Variants in CSGALNACT1 observed in about 807,000 individuals in gnomAD.
CSGALNACT1 encodes beta4GalNAcT-1.
Under a neutral mutation model 51.0 loss-of-function variants are expected in CSGALNACT1, and 52 were observed. That is an observed-to-expected ratio of 1.02 (90% CI 0.82 to 1.29). CSGALNACT1 has a LOEUF of 1.29. Ranked by LOEUF, CSGALNACT1 falls within the 50% of genes most tolerant of loss-of-function variation. The pLI is 0.00. For synonymous variants in CSGALNACT1, 341 were observed against 254.4 expected, an observed-to-expected ratio of 1.34 and a Z score of -3.24; for missense variants, 935 against 679.2, an observed-to-expected ratio of 1.38 and a Z score of -4.19.
intron 1 of CSGALNACT1, among the ~76,000 whole-genome samples, chr8:19,754,855 G>A (rs2065258598): frequency 6.6e-6 from 1 of 152,146 alleles, no homozygotes; most frequent in Non-Finnish European, 1.5e-5. Flanking sequence ...CGGCTTTATA[G>A]GTTTTATAAG....
intron 1 of CSGALNACT1, among the ~76,000 whole-genome samples, chr8:19,717,037 A>G (rs1280237283): frequency 6.6e-6 from 1 of 152,250 alleles, no homozygotes; most frequent in Non-Finnish European, 1.5e-5. Flanking sequence ...AAACGAGGCA[A>G]AAATTCATAT....
chr8:19,606,883 C>T (rs117744625), upstream of CSGALNACT1, among the ~76,000 whole-genome samples: 4,345 of 152,124 alleles, frequency 0.029, 82 homozygotes, highest in Non-Finnish European at 0.045. Flanking sequence ...TAGCCGGGCA[C>T]GGTGGCTCAC....
At chr8:19,637,823 G>A (rs573795822) in intron 1 of CSGALNACT1, among the ~76,000 whole-genome samples, 1 of 148,682 alleles carries the variant, frequency 6.7e-6, no homozygotes. Context: ...GAATGTTCTC[G>A]AAATCAGCCT....
intron 1 of CSGALNACT1, among the ~76,000 whole-genome samples, chr8:19,640,147 A>T (rs1263428763): frequency 6.6e-6 from 1 of 152,344 alleles, no homozygotes; most frequent in Non-Finnish European, 1.5e-5. Flanking sequence ...TATTTCCCTC[A>T]ATGATACTGT....
At chr8:19,726,473 T>C (rs1306762220) in intron 1 of CSGALNACT1, among the ~76,000 whole-genome samples, 2 of 152,220 alleles carry the variant, frequency 1.3e-5, no homozygotes, top group Non-Finnish European at 2.9e-5. Flanking sequence ...ACAAAAATTG[T>C]ACACATTTAC....
At chr8:19,659,846 G>A (rs768256264) in intron 1 of CSGALNACT1, among the ~76,000 whole-genome samples, 3 of 152,178 alleles carry the variant, frequency 2.0e-5, no homozygotes, top group African/African-American at 4.8e-5. Flanking sequence ...AGGGGAGATC[G>A]CTGCTTCCTG....
chr8:19,753,961 A>G (rs530670232), intron 1 of CSGALNACT1, among the ~76,000 whole-genome samples: 4 of 152,356 alleles, frequency 2.6e-5, no homozygotes, highest in African/African-American at 7.2e-5. Context: ...TCAAAAACAC[A>G]TAGAAGAAAG....
intron 1 of CSGALNACT1, among the ~76,000 whole-genome samples, chr8:19,629,231 T>C (rs1177569602): frequency 1.3e-5 from 2 of 152,226 alleles, no homozygotes; most frequent in East Asian, 1.9e-4. Flanking sequence ...AAAAAACGTT[T>C]TCCTGGTCAT....
At chr8:19,644,221 ATAAT>A (rs1194793523) in intron 1 of CSGALNACT1, among the ~76,000 whole-genome samples, 1 of 152,130 alleles carries the variant, frequency 6.6e-6, no homozygotes, top group Non-Finnish European at 1.5e-5. Context: ...ATATACCAAA[ATAAT>A]TAATAGTGAT....
intron 1 of CSGALNACT1, among the ~76,000 whole-genome samples, chr8:19,629,547 T>C (rs1484239857): frequency 6.6e-6 from 1 of 152,248 alleles, no homozygotes; most frequent in South Asian, 2.1e-4. Flanking sequence ...CCGAGGCATA[T>C]CTGCCTTTAC....
chr8:19,454,611 T>C (rs2063751670), intron 5 of CSGALNACT1, among the ~76,000 whole-genome samples: 1 of 152,024 alleles, frequency 6.6e-6, no homozygotes, highest in South Asian at 2.1e-4. Context: ...ATGGAGGCTG[T>C]GGTGAGCTAA....
At chr8:19,505,830 A>G (rs1416921658) in exon 4 of CSGALNACT1, 2 of 1,610,690 alleles carry the variant, frequency 1.2e-6, no homozygotes, top group Non-Finnish European at 1.7e-6. Flanking sequence ...GCGAACCATC[A>G]TCATTCAGGA....
chr8:19,536,000 G>C (rs1019073988), intron 3 of CSGALNACT1, among the ~76,000 whole-genome samples: 1 of 151,936 alleles, frequency 6.6e-6, no homozygotes, highest in Non-Finnish European at 1.5e-5. Context: ...AAAAAGAAAA[G>C]GCATACAGAT....
intron 8 of CSGALNACT1, among the ~76,000 whole-genome samples, chr8:19,411,809 G>C (rs1032477055): frequency 6.7e-6 from 1 of 150,178 alleles, no homozygotes; most frequent in African/African-American, 2.4e-5. Flanking sequence ...GGATTTCACT[G>C]ATCTGTTTCC....
At position 19,460,261 on chromosome 8, in the gene CSGALNACT1, G is replaced by C. The variant is rs150555656; in HGVS notation, c.635-1619C>G. On this transcript the variant is annotated intron_variant, in intron 4 of 9. Coordinates refer to ENST00000454498, the Ensembl canonical transcript of CSGALNACT1. ...AGTGAGAGAGAATCAGGGAGACACA[G>C]AGAGAGAGAGAGAGAAAGAGACCAT... 2.5e-4 allele frequency among the ~76,000 whole-genome samples: 37 copies of C among 150,950 alleles called. No individual in the cohort carries two copies. The East Asian group carries it at 7.0e-3, about 28-fold the overall frequency.
chr8:19,505,294 C>A (rs767040112), exon 4 of CSGALNACT1: 1 of 1,614,210 alleles, frequency 6.2e-7, no homozygotes, highest in African/African-American at 1.3e-5. Flanking sequence ...ATGGCTTCCA[C>A]CAACTCATCC....
chr8:19,698,567 C>A (rs924911588), intron 1 of CSGALNACT1, among the ~76,000 whole-genome samples: 3 of 152,150 alleles, frequency 2.0e-5, no homozygotes, highest in Non-Finnish European at 2.9e-5. Flanking sequence ...AGCAGTGATT[C>A]TCAAAGAAGT....
Position 19,405,784 on chromosome 8 carries a change from GTT to G in CSGALNACT1, c.1593_1594del (p.Lys531AsnfsTer31), listed in dbSNP as rs778908076. On this transcript the variant is annotated frameshift_variant, in exon 10 of 10. Coordinates refer to ENST00000454498, the Ensembl canonical transcript of CSGALNACT1. LOFTEE classifies it high-confidence loss of function. ...CCACAATCCTTCTCTGGGAGTTCATGTTTTTTTGCTACTTGTCTTCTGTTTCT... is the reference window on the plus strand; with the variant it reads ...CCACAATCCTTCTCTGGGAGTTCATGTTTTTGCTACTTGTCTTCTGTTTCT... The G allele has an allele frequency of 6.2e-7, 1 of 1,614,124 alleles. No homozygotes were observed. Among genetic ancestry groups the G allele is most frequent in the Non-Finnish European group, 8.5e-7 (1 of 1,180,034 alleles).
At chr8:19,509,146 G>A (rs112683295) in intron 3 of CSGALNACT1, among the ~76,000 whole-genome samples, 1,672 of 152,280 alleles carry the variant, frequency 0.011, 30 homozygotes, top group African/African-American at 0.038. Context: ...TTCTTTAACA[G>A]ACAAAATATC....
Sources: allele counts gnomAD v4.1 joint callset (sites outside exome capture counted in the v4.1 genomes callset), GRCh38; gene constraint gnomAD v4.1.1; transcripts MANE v1.5; gene names NCBI Gene and HGNC (gene_info 2026-07-23, HGNC 2026-07-21).